TRIM37: variants seen among roughly 807,000 people sequenced by gnomAD.
The protein encoded by TRIM37 is tripartite motif containing 37.
A neutral mutation model predicts 129.8 loss-of-function variants in TRIM37; 80 were observed. That is an observed-to-expected ratio of 0.62 (90% CI 0.51 to 0.74). TRIM37 has a LOEUF of 0.74. Among genes scored for constraint, TRIM37 ranks in the 30% least tolerant of loss-of-function variants. The pLI, the probability that TRIM37 is intolerant of heterozygous loss-of-function variation, is 0.00. For synonymous variants in TRIM37, 389 were observed against 387.1 expected, an observed-to-expected ratio of 1.00 and a Z score of -0.06; for missense variants, 1,054 against 1,176.5, an observed-to-expected ratio of 0.90 and a Z score of 1.52.
At chr17:59,006,568 C>T (rs531392231) in intron 22 of TRIM37, among the ~76,000 whole-genome samples, 1 of 152,120 alleles carries the variant, frequency 6.6e-6, no homozygotes, top group Non-Finnish European at 1.5e-5. Flanking sequence ...CCATGTGGAA[C>T]GAGTTGGTGA....
chr17:58,968,048 C>T, the TRIM37 span, among the ~76,000 whole-genome samples: 1 of 152,066 alleles, frequency 6.6e-6, no homozygotes, highest in Non-Finnish European at 1.5e-5. Flanking sequence ...GTGATCTGCC[C>T]GCCTTGGCCT....
chr17:59,022,526 A>G (rs978030893), intron 19 of TRIM37, among the ~76,000 whole-genome samples: 6 of 152,230 alleles, frequency 3.9e-5, no homozygotes, highest in South Asian at 2.1e-4. Context: ...CCAATTACCA[A>G]TGTGAAACTA....
intron 17 of TRIM37, among the ~76,000 whole-genome samples, chr17:59,039,492 G>A (rs749400035): frequency 1.5e-4 from 23 of 151,908 alleles, no homozygotes; most frequent in African/African-American, 4.1e-4. Flanking sequence ...GACTACAGGC[G>A]CCTGCCATCA....
intron 19 of TRIM37, among the ~76,000 whole-genome samples, chr17:59,022,428 A>G (rs1192915290): frequency 6.6e-6 from 1 of 152,264 alleles, no homozygotes. Context: ...TTCAGTTTAA[A>G]AAGAAAAGAA....
At chr17:59,001,546 A>G in intron 23 of TRIM37, 52 bp downstream of exon 23, 2 of 1,611,342 alleles carry the variant, frequency 1.2e-6, no homozygotes, top group Non-Finnish European at 1.7e-6. Context: ...AAGAAAGAGA[A>G]GCGGCAGCGG....
At chr17:59,097,156 A>G (rs528233975) in intron 2 of TRIM37, among the ~76,000 whole-genome samples, 1 of 152,308 alleles carries the variant, frequency 6.6e-6, no homozygotes, top group South Asian at 2.1e-4. Context: ...TAAAAATCAT[A>G]GTCAACGATT....
At chr17:59,054,501 C>T (rs1198264205) in intron 13 of TRIM37, among the ~76,000 whole-genome samples, 1 of 152,070 alleles carries the variant, frequency 6.6e-6, no homozygotes, top group Non-Finnish European at 1.5e-5. Flanking sequence ...AGGGTTTCAC[C>T]ATGTTGCCCA....
At chr17:59,088,768 G>A (rs1363429798) in intron 3 of TRIM37, among the ~76,000 whole-genome samples, 1 of 150,938 alleles carries the variant, frequency 6.6e-6, no homozygotes, top group Non-Finnish European at 1.5e-5. Context: ...TCCTCCCAAA[G>A]TACTAGGATT....
At chr17:59,099,767 T>A (rs2045285457) in intron 2 of TRIM37, among the ~76,000 whole-genome samples, 1 of 152,200 alleles carries the variant, frequency 6.6e-6, no homozygotes, top group South Asian at 2.1e-4. Context: ...GGAACTCTCA[T>A]AAACTTCTGG....
rs2037501309 is a variant in TRIM37 at position 59,028,725 on chromosome 17, T to G, written c.1949-2A>C. ...CTTTATCTTTTCGAGAATATGATGC[T>G]TCAGAGAAATTGACAAGTCATGTTA... On this transcript the variant is annotated splice_acceptor_variant, in intron 18 of 23. Coordinates refer to ENST00000262294, the MANE Select transcript of TRIM37 (RefSeq NM_015294.6). LOFTEE classifies it high-confidence loss of function. 3.1e-6 allele frequency: 5 copies of G among 1,614,052 alleles called. No individual in the cohort carries two copies. The African/African-American group carries it at 4.0e-5, about 13-fold the overall frequency.
intron 24 of TRIM37, among the ~76,000 whole-genome samples, chr17:58,989,200 C>T (rs2032110131): frequency 6.6e-6 from 1 of 152,020 alleles, no homozygotes; most frequent in Admixed American, 6.6e-5. Flanking sequence ...TTTTGAGAGG[C>T]CAAGGTGGGA....
At chr17:58,983,033 A>G in intron 24 of TRIM37, 1 of 1,005,548 alleles carries the variant, frequency 9.9e-7, no homozygotes, top group Non-Finnish European at 1.5e-6. Context: ...GTCTATTGGT[A>G]ATGTTTTTGA....
chr17:59,044,114 T>C (rs1340623914), intron 16 of TRIM37, among the ~76,000 whole-genome samples: 1 of 152,054 alleles, frequency 6.6e-6, no homozygotes, highest in Non-Finnish European at 1.5e-5. Flanking sequence ...TAGAACATAG[T>C]AAGGCAACAT....
intron 19 of TRIM37, among the ~76,000 whole-genome samples, chr17:59,017,635 T>G (rs1598917567): frequency 6.6e-6 from 1 of 152,222 alleles, no homozygotes; most frequent in East Asian, 1.9e-4. Flanking sequence ...CTTTTTTTTT[T>G]TTCCCCCAGA....
chr17:59,074,066 T>C (rs1392274806), intron 8 of TRIM37, among the ~76,000 whole-genome samples: 1 of 152,266 alleles, frequency 6.6e-6, no homozygotes, highest in Non-Finnish European at 1.5e-5. Flanking sequence ...TAATGTGTTA[T>C]ATTTTTATAC....
intron 13 of TRIM37, among the ~76,000 whole-genome samples, 147 bp downstream of exon 13, chr17:59,056,716 CAAAAAAAAAAAA>C (rs869221576): frequency 0.03 from 1,130 of 38,042 alleles, 17 homozygotes; most frequent in African/African-American, 0.062. Flanking sequence ...ACTATGTCTC[CAAAAAAAAAAAA>C]AAAAAAAAAA....
intron 2 of TRIM37, among the ~76,000 whole-genome samples, chr17:59,103,120 A>T (rs1395986993): frequency 6.6e-6 from 1 of 151,914 alleles, no homozygotes; most frequent in Non-Finnish European, 1.5e-5. Context: ...TGATCCACAC[A>T]CCTCAGCCTC....
chr17:59,007,158 AACACACACACACACACAC>A (rs540872393), intron 22 of TRIM37, among the ~76,000 whole-genome samples: 3 of 8,350 alleles, frequency 3.6e-4, no homozygotes, highest in African/African-American at 1.1e-3. Flanking sequence ...CCCACCCTCC[AACACACACACACACACAC>A]ACACACACAC....
Position 58,998,679 on chromosome 17 carries a change from T to A in TRIM37, c.*698A>T. 1 of 985,392 alleles carries A rather than the reference T, an allele frequency of 1.0e-6. No individual in the cohort carries two copies. Among genetic ancestry groups the A allele is most frequent in the Non-Finnish European group, 1.2e-6 (1 of 829,900 alleles). 61.0% of individuals were successfully genotyped at this position (985,392 alleles called of 1,614,324 possible). A position where few individuals can be genotyped will look rare whatever the true frequency, so the allele number is the denominator to read the frequency against. On this transcript the variant is annotated 3_prime_UTR_variant, in exon 24 of 24. Transcript: ENST00000262294. ...AAAAAAATGAAAGAATTTTAAATAATCTTACACGTGTCTACAGGGCCAGGA... is the reference window on the plus strand; with the variant it reads ...AAAAAAATGAAAGAATTTTAAATAAACTTACACGTGTCTACAGGGCCAGGA...
Sources: allele counts gnomAD v4.1 joint callset (sites outside exome capture counted in the v4.1 genomes callset), GRCh38; gene constraint gnomAD v4.1.1; transcripts MANE v1.5; gene names NCBI Gene and HGNC (gene_info 2026-07-23, HGNC 2026-07-21).